VAV1: variants seen among roughly 807,000 people sequenced by gnomAD.
VAV1 encodes vav guanine nucleotide exchange factor 1, also known as proto-oncogene vav.
VAV1 carries 33 observed loss-of-function variants against 128.1 expected under a neutral mutation model. The observed-to-expected ratio is 0.26, with a 90% CI of 0.20 to 0.34. VAV1 has a LOEUF of 0.34. Among genes scored for constraint, VAV1 ranks in the 10% least tolerant of loss-of-function variants. The probability of loss-of-function intolerance (pLI) is 1.00; values close to 1 mark genes in which losing one functional copy is unlikely to be tolerated. For missense variants in VAV1, 715 were observed against 1,093.7 expected (o/e 0.65, Z 4.88); for synonymous variants, 394 against 409.8 (o/e 0.96, Z 0.47).
At chr19:6,824,898 T>A (rs906158177) in intron 6 of VAV1, among the ~76,000 whole-genome samples, 155 bp from the exon 7 acceptor site, 4 of 152,198 alleles carry the variant, frequency 2.6e-5, no homozygotes, top group Admixed American at 2.6e-4. Flanking sequence ...TGGGTTATTA[T>A]GAATAATTTC....
intron 22 of VAV1, 150 bp from the exon 23 acceptor site, chr19:6,847,848 G>C (rs1183267458): frequency 5.2e-6 from 3 of 581,326 alleles, no homozygotes; most frequent in Non-Finnish European, 8.1e-6. Flanking sequence ...CCTCCACGGG[G>C]CCTACCTTGG....
intron 9 of VAV1, among the ~76,000 whole-genome samples, chr19:6,827,321 G>A (rs1286124145): frequency 6.6e-6 from 1 of 152,128 alleles, no homozygotes; most frequent in East Asian, 1.9e-4. Context: ...AAGCTGGAGT[G>A]TAGTGGCATG....
intron 1 of VAV1, among the ~76,000 whole-genome samples, chr19:6,809,680 T>C (rs944314976): frequency 3.9e-5 from 6 of 152,056 alleles, no homozygotes; most frequent in African/African-American, 1.4e-4. Flanking sequence ...ATTTGCTGTA[T>C]GAAGGTGGGC....
At chr19:6,775,767 T>C (rs1409105844) in intron 1 of VAV1, among the ~76,000 whole-genome samples, 1 of 152,084 alleles carries the variant, frequency 6.6e-6, no homozygotes, top group Admixed American at 6.6e-5. Flanking sequence ...CCTCTCTGGG[T>C]TTCTGGGTGC....
At chr19:6,818,911 T>C (rs1599651946) in intron 1 of VAV1, among the ~76,000 whole-genome samples, 2 of 151,780 alleles carry the variant, frequency 1.3e-5, no homozygotes, top group South Asian at 4.1e-4. Context: ...AGGTCAAGAG[T>C]TCAAGACCAG....
intron 14 of VAV1, 71 bp from the exon 15 acceptor site, chr19:6,832,020 G>T: frequency 7.6e-7 from 1 of 1,318,550 alleles, no homozygotes; most frequent in South Asian, 1.2e-5. Flanking sequence ...TACAGAGGGA[G>T]GGGTGGGTGG....
In VAV1 at chr19:6,828,272, C is replaced by A. The variant is rs543092434; in HGVS notation, c.1023+101C>A. Reference sequence around the variant, plus strand: ...TTCTGGGGGTTGGGTCTCTAGGACGCTCGGGGATGGGTCACTGGGGTCATG... The same window carrying A: ...TTCTGGGGGTTGGGTCTCTAGGACGATCGGGGATGGGTCACTGGGGTCATG... On this transcript the variant is annotated intron_variant, in intron 10 of 26. Transcript: ENST00000602142. This position sits in a 1 kb window ranked among gnomAD's most constrained non-coding sequence, Gnocchi z 4.5. The A allele has an allele frequency of 2.0e-6, 3 of 1,515,756 alleles. No homozygotes were observed. The highest frequency in any genetic ancestry group is 1.2e-5 in the South Asian group (1 of 85,850). 93.9% of individuals were successfully genotyped at this position (1,515,756 alleles called of 1,614,324 possible). A position where few individuals can be genotyped will look rare whatever the true frequency, so the allele number is the denominator to read the frequency against.
At chr19:6,813,501 C>G (rs1280205995) in intron 1 of VAV1, among the ~76,000 whole-genome samples, 1 of 152,072 alleles carries the variant, frequency 6.6e-6, no homozygotes, top group Non-Finnish European at 1.5e-5. Context: ...GAGCTATGGA[C>G]CATTGGGGGC....
intron 1 of VAV1, among the ~76,000 whole-genome samples, chr19:6,790,249 T>G (rs1970988419): frequency 6.6e-6 from 1 of 152,160 alleles, no homozygotes; most frequent in African/African-American, 2.4e-5. Flanking sequence ...TGTTATTTTA[T>G]CATCAGTGAT....
chr19:6,832,276 T>C, intron 15 of VAV1, 76 bp downstream of exon 15: 1 of 1,397,174 alleles, frequency 7.2e-7, no homozygotes, highest in Non-Finnish European at 1.0e-6. Flanking sequence ...ATCTAGTCCC[T>C]ACTCTGTCCT....
Position 6,820,636 on chromosome 19 carries a change from C to T in VAV1, c.205-66C>T. ...CCACACCAGTCCCCAAGCTAGGTGG[C>T]CTGGGGGTCAGTTTCTCCCCTGCCC... On this transcript the variant is annotated intron_variant, in intron 1 of 26. Transcript: ENST00000602142. This position sits in a 1 kb window ranked among gnomAD's most constrained non-coding sequence, Gnocchi z 4.4. 2.2e-6 allele frequency: 3 copies of T among 1,363,866 alleles called. No homozygotes were observed. Among genetic ancestry groups the T allele is most frequent in the Non-Finnish European group, 3.1e-6 (3 of 954,702 alleles). 84.5% of individuals were successfully genotyped at this position (1,363,866 alleles called of 1,614,324 possible).
intron 1 of VAV1, among the ~76,000 whole-genome samples, chr19:6,785,943 A>G (rs1243876004): frequency 6.6e-6 from 1 of 152,076 alleles, no homozygotes; most frequent in African/African-American, 2.4e-5. Flanking sequence ...ACAGGTAATG[A>G]GCCACCGCGC....
intron 26 of VAV1, among the ~76,000 whole-genome samples, chr19:6,856,496 C>A (rs1220088248): frequency 1.3e-5 from 2 of 151,748 alleles, no homozygotes; most frequent in Non-Finnish European, 2.9e-5. Context: ...CCGAGATGGG[C>A]AGATCACCGG....
intron 6 of VAV1, among the ~76,000 whole-genome samples, chr19:6,824,115 T>G (rs941442756): frequency 3.3e-5 from 5 of 152,042 alleles, no homozygotes; most frequent in Admixed American, 2.0e-4. Context: ...ATTCTTTAAT[T>G]TTTTTTGTAG....
rs537025598 is a variant in VAV1 at position 6,787,658 on chromosome 19, A to G, written c.204+14647A>G. ...GTCACACAGGCTGGAGTGCAATGGC[A>G]TAGTCATAGCTCCCTGCAGCCTCAA... On this transcript the variant is annotated intron_variant, in intron 1 of 26. Transcript: ENST00000602142. Among the ~76,000 whole-genome samples the G allele has an allele frequency of 1.7e-3, 254 of 151,964 alleles. 1 individual carries two copies. Among genetic ancestry groups the G allele is most frequent in the Non-Finnish European group, 3.1e-3 (212 of 67,978 alleles).
At position 6,857,110 on chromosome 19, in the gene VAV1, C is replaced by A. The variant is rs1291087433; in HGVS notation, c.*3C>A. The A allele has an allele frequency of 3.7e-6, 6 of 1,613,916 alleles. No homozygotes were observed. The highest frequency in any genetic ancestry group is 1.3e-5 in the African/African-American group (1 of 74,888). On this transcript the variant is annotated 3_prime_UTR_variant, in exon 27 of 27. Coordinates refer to ENST00000602142, the MANE Select transcript of VAV1 (RefSeq NM_005428.4). ...AAGATTATTCTGAATACTGCTGAGC[C>A]CTGGTGCCTTGGCAGAGAGACGAGA... is the stretch of plus-strand genomic sequence containing the variant.
intron 1 of VAV1, among the ~76,000 whole-genome samples, chr19:6,793,551 C>T (rs766050948): frequency 9.2e-5 from 14 of 151,766 alleles, no homozygotes; most frequent in Non-Finnish European, 1.5e-4. Context: ...TTATATAGTA[C>T]AGGAAAATGT....
chr19:6,796,154 C>T (rs1017353658), intron 1 of VAV1, among the ~76,000 whole-genome samples: 7 of 152,186 alleles, frequency 4.6e-5, no homozygotes, highest in African/African-American at 1.7e-4. Context: ...GGGGATTATA[C>T]GTTCCCAACA....
At chr19:6,775,358 T>C (rs539352210) in intron 1 of VAV1, among the ~76,000 whole-genome samples, 1 of 152,330 alleles carries the variant, frequency 6.6e-6, no homozygotes, top group Admixed American at 6.5e-5. Flanking sequence ...CTTGTGTATG[T>C]CTTAGCTAAA....
Sources: allele counts gnomAD v4.1 joint callset (sites outside exome capture counted in the v4.1 genomes callset), GRCh38; gene constraint gnomAD v4.1.1; non-coding constraint Gnocchi (gnomAD v3.1); transcripts MANE v1.5; gene names NCBI Gene and HGNC (gene_info 2026-07-23, HGNC 2026-07-21).